CFAP100: variants seen among roughly 807,000 people sequenced by gnomAD.
CFAP100 encodes cilia and flagella associated protein 100.
In CFAP100, 70 loss-of-function variants were observed where a neutral mutation model predicts 81.5. The ratio of observed to expected loss-of-function variants is 0.86; its 90% CI spans 0.71 to 1.05. The LOEUF is 1.05. Ranked by LOEUF, CFAP100 falls within the 50% of genes least tolerant of loss-of-function variation. The pLI is 0.00. For synonymous variants in CFAP100, 341 were observed against 314.8 expected (o/e 1.08, Z -0.88); for missense variants, 811 against 776.5 (o/e 1.04, Z -0.53).
At chr3:126,406,884 C>T (rs1449356222) in intron 2 of CFAP100, among the ~76,000 whole-genome samples, 1 of 152,232 alleles carries the variant, frequency 6.6e-6, no homozygotes, top group African/African-American at 2.4e-5. Context: ...AACAGCCTTG[C>T]ACTGCTACTC....
chr3:126,423,977 G>A (rs953185006), intron 13 of CFAP100, among the ~76,000 whole-genome samples: 14 of 152,214 alleles, frequency 9.2e-5, no homozygotes, highest in East Asian at 1.9e-4. Context: ...GGTCCACAGC[G>A]ACCCTGACCC....
At chr3:126,406,385 G>A (rs931025829) in intron 2 of CFAP100, among the ~76,000 whole-genome samples, 20 of 152,128 alleles carry the variant, frequency 1.3e-4, no homozygotes, top group Admixed American at 7.2e-4. Flanking sequence ...CCCCCATCCC[G>A]CCCCAGGAGG....
At chr3:126,432,355 G>A (rs1171408480) in intron 13 of CFAP100, among the ~76,000 whole-genome samples, 9 of 150,748 alleles carry the variant, frequency 6.0e-5, no homozygotes, top group East Asian at 5.8e-4. Flanking sequence ...ATATATTCGT[G>A]AGAATTGAAA....
intron 11 of CFAP100, among the ~76,000 whole-genome samples, chr3:126,422,490 C>T (rs544526261): frequency 0.012 from 756 of 63,946 alleles, 8 homozygotes; most frequent in Non-Finnish European, 0.011. Flanking sequence ...CCAGCGCAGC[C>T]CCCCCCACCT....
chr3:126,436,030 C>T (rs1298194321), intron 16 of CFAP100, among the ~76,000 whole-genome samples: 1 of 152,230 alleles, frequency 6.6e-6, no homozygotes, highest in Non-Finnish European at 1.5e-5. Flanking sequence ...CCCTTCCTGC[C>T]TTCTGACCCT....
intron 13 of CFAP100, among the ~76,000 whole-genome samples, chr3:126,425,022 A>G (rs761810959): frequency 1.3e-5 from 2 of 152,208 alleles, no homozygotes; most frequent in Non-Finnish European, 2.9e-5. Context: ...GAGTCCCCAT[A>G]ATGACCTGAA....
At chr3:126,425,480 G>T (rs887304647) in intron 13 of CFAP100, among the ~76,000 whole-genome samples, 1 of 152,186 alleles carries the variant, frequency 6.6e-6, no homozygotes, top group African/African-American at 2.4e-5. Flanking sequence ...TACAAAGGAA[G>T]AATTTCATCT....
At chr3:126,416,686 A>G (rs2083249741) in intron 5 of CFAP100, 178 bp downstream of exon 5, 1 of 540,360 alleles carries the variant, frequency 1.9e-6, no homozygotes, top group Admixed American at 3.8e-5. Flanking sequence ...CCAAAGCTCT[A>G]TTCCAGGATT....
At chr3:126,416,098 T>G (rs1576630806) in intron 4 of CFAP100, among the ~76,000 whole-genome samples, 1 of 152,074 alleles carries the variant, frequency 6.6e-6, no homozygotes, top group East Asian at 1.9e-4. Context: ...CCGGGCAGCC[T>G]GTGTTTGACC....
intron 4 of CFAP100, 85 bp from the exon 5 acceptor site, chr3:126,416,231 G>GTCCCCGGCCTCAGGTCCGCGCC (rs2083236253): frequency 8.1e-7 from 1 of 1,238,572 alleles, no homozygotes; most frequent in African/African-American, 1.5e-5. Context: ...GCAAACCCGC[G>GTCCCCGGCCTCAGGTCCGCGCC]TCCCTAGGAA....
intron 13 of CFAP100, among the ~76,000 whole-genome samples, chr3:126,429,154 CTTTAAATG>C (rs1426832158): frequency 3.5e-4 from 50 of 141,356 alleles, no homozygotes; most frequent in African/African-American, 1.2e-3. Context: ...ACTGTTAATT[CTTTAAATG>C]TTTGGTAGAA....
At chr3:126,433,655 T>A in intron 14 of CFAP100, 1 of 197,162 alleles carries the variant, frequency 5.1e-6, no homozygotes, top group Non-Finnish European at 1.0e-5. Context: ...CTTCCTACTG[T>A]CAAGTGCCTG....
At position 126,423,489 on chromosome 3, in the gene CFAP100, G is replaced by A; in HGVS notation, c.1135-4G>A. The A allele has an allele frequency of 1.2e-6, 2 of 1,613,966 alleles. No homozygotes were observed. The highest frequency in any genetic ancestry group is 1.7e-6 in the Non-Finnish European group (2 of 1,179,944). ...CAGTCCCTGCCAAAACCTGTGGGTT[G>A]CAGGAACCACAGCTGTACTTCACGG... is the stretch of plus-strand genomic sequence containing the variant. On this transcript the variant is annotated splice_region_variant and splice_polypyrimidine_tract_variant and intron_variant, in intron 12 of 16. Transcript: ENST00000352312.
At chr3:126,400,563 C>A (rs917940950) in intron 2 of CFAP100, among the ~76,000 whole-genome samples, 1 of 152,094 alleles carries the variant, frequency 6.6e-6, no homozygotes, top group Non-Finnish European at 1.5e-5. Flanking sequence ...ACCATCCTGG[C>A]TAACATGGTG....
rs541712784 is a variant in CFAP100 at position 126,427,472 on chromosome 3, GGTGTCTGGTCTCTTTCCCTCAGTGCC to G, written c.1286+3836_1286+3861del. Among the ~76,000 whole-genome samples, 167 of 152,292 alleles carry G rather than the reference GGTGTCTGGTCTCTTTCCCTCAGTGCC, an allele frequency of 1.1e-3. 1 individual carries two copies. Among genetic ancestry groups the G allele is most frequent in the Middle Eastern group, 3.4e-3 (1 of 294 alleles). ...AATAATAATATAGTAGGTTTTCACT[GGTGTCTGGTCTCTTTCCCTCAGTGCC>G]GTGTCTGTATGGCTCATCCATGTGC... On this transcript the variant is annotated intron_variant, in intron 13 of 16. Coordinates refer to ENST00000352312, the MANE Select transcript of CFAP100 (RefSeq NM_182628.3).
At position 126,418,791 on chromosome 3, in the gene CFAP100, G is replaced by A. The variant is rs75895968; in HGVS notation, c.650+17G>A. The A allele has an allele frequency of 0.01, 15,714 of 1,565,720 alleles. 1,222 individuals carry two copies. In the African/African-American group the frequency reaches 0.18, roughly 18 times the overall value. ...CATGAGAGCGTGAGCCTGCGGGCCC[G>A]AGGGGCTGGCTGGGCAATGCCGAAC... On this transcript the variant is annotated intron_variant, in intron 7 of 16. Coordinates refer to ENST00000352312, the MANE Select transcript of CFAP100 (RefSeq NM_182628.3).
intron 2 of CFAP100, among the ~76,000 whole-genome samples, chr3:126,400,527 G>A (rs1176219365): frequency 1.3e-5 from 2 of 152,112 alleles, no homozygotes; most frequent in African/African-American, 2.4e-5. Context: ...GCCAAGGCGG[G>A]CGGATCACGA....
intron 13 of CFAP100, among the ~76,000 whole-genome samples, chr3:126,429,746 T>C (rs1049263056): frequency 6.6e-6 from 1 of 152,190 alleles, no homozygotes; most frequent in Non-Finnish European, 1.5e-5. Flanking sequence ...TTTTGTGATG[T>C]TACATTTACC....
chr3:126,409,840 AT>A (rs2083126956), intron 3 of CFAP100, among the ~76,000 whole-genome samples: 1 of 152,168 alleles, frequency 6.6e-6, no homozygotes, highest in African/African-American at 2.4e-5. Context: ...AGTTCTGAGT[AT>A]GACGGATATC....
Sources: allele counts gnomAD v4.1 joint callset (sites outside exome capture counted in the v4.1 genomes callset), GRCh38; gene constraint gnomAD v4.1.1; transcripts MANE v1.5; gene names NCBI Gene and HGNC (gene_info 2026-07-23, HGNC 2026-07-21).